ZFPM1: variants seen among roughly 807,000 people sequenced by gnomAD.
ZFPM1 encodes zinc finger protein ZFPM1.
Under a neutral mutation model 46.3 loss-of-function variants are expected in ZFPM1, and 28 were observed. That is an observed-to-expected ratio of 0.60 (90% CI 0.45 to 0.83). The LOEUF (loss-of-function observed/expected upper bound fraction) is 0.83. Among genes scored for constraint, ZFPM1 ranks in the 40% least tolerant of loss-of-function variants. The pLI is 0.00. For missense variants in ZFPM1, 1,878 were observed against 1,432.4 expected (o/e 1.31, Z -5.02); for synonymous variants, 957 against 675.9 (o/e 1.42, Z -6.45).
chr16:88,483,850 C>T (rs917076038), intron 1 of ZFPM1, among the ~76,000 whole-genome samples: 3 of 152,230 alleles, frequency 2.0e-5, no homozygotes, highest in African/African-American at 4.8e-5. Context: ...GGAGTCCAAA[C>T]GCGCAGAAAA....
rs1327549579 is a variant in ZFPM1 at position 88,534,325 on chromosome 16, C to T, written c.2367C>T (p.Pro789=). The T allele has an allele frequency of 2.1e-5, 28 of 1,343,662 alleles. No individual in the cohort carries two copies. The highest frequency in any genetic ancestry group is 2.8e-4 in the Middle Eastern group (1 of 3,596). 83.2% of individuals were successfully genotyped at this position (1,343,662 alleles called of 1,614,324 possible). ...PGLAPARSPG[P]AADGPIDLSK... Reference sequence around the variant, plus strand: ...TCGCCCCTGCGCGCTCGCCCGGCCCCGCGGCCGACGGCCCCATCGACCTGA... The same window carrying T: ...TCGCCCCTGCGCGCTCGCCCGGCCCTGCGGCCGACGGCCCCATCGACCTGA... The change falls in exon 10 of 10, where the codon CCC becomes CCT. Residue 789 remains proline (P), a synonymous_variant. Coordinates refer to ENST00000319555, the MANE Select transcript of ZFPM1 (RefSeq NM_153813.3).
In ZFPM1 at chr16:88,497,257, GGCCCCAGCCCCAGCCCCA is replaced by G. The variant is rs148805908; in HGVS notation, c.268+8117_268+8134del. 6.6e-6 allele frequency among the ~76,000 whole-genome samples: 1 copy of G among 151,662 alleles called. No individual in the cohort carries two copies. The highest frequency in any genetic ancestry group is 2.1e-4 in the South Asian group (1 of 4,814). On this transcript the variant is annotated intron_variant, in intron 3 of 9. Coordinates refer to ENST00000319555, the MANE Select transcript of ZFPM1 (RefSeq NM_153813.3). The surrounding 1 kb of genome is among the most constrained non-coding windows in gnomAD (Gnocchi z 5.4). ...GAGATGGGAGGGGCGGCAGGTGGAC[GGCCCCAGCCCCAGCCCCA>G]GCCCCAGCCCCATTCCAAGGTGTGA... is the stretch of plus-strand genomic sequence containing the variant.
In ZFPM1 at chr16:88,494,301, A is replaced by G. The variant is rs369100612; in HGVS notation, c.268+5148A>G. On this transcript the variant is annotated intron_variant, in intron 3 of 9. Transcript: ENST00000319555. ...CACCTTGCGCTCCCCCGTCGGTGGC[A>G]GTCACCATGGCCTCATGGCAGGAGG... Among the ~76,000 whole-genome samples, 246 of 152,228 alleles carry G rather than the reference A, an allele frequency of 1.6e-3. 1 individual carries two copies. The highest frequency in any genetic ancestry group is 5.7e-3 in the African/African-American group (238 of 41,544).
Position 88,534,872 on chromosome 16 carries a change from A to C in ZFPM1, c.2914A>C (p.Asn972His). 1.9e-6 allele frequency: 3 copies of C among 1,567,910 alleles called. No homozygotes were observed. The highest frequency in any genetic ancestry group is 2.3e-5 in the South Asian group (2 of 86,966). ...KGTPAPLPNG[N>H]HRYCRLCNIK... ...CACGCCGGCGCCGCTGCCCAACGGC[A>C]ACCACCGGTACTGCCGTCTTTGCAA... is the stretch of plus-strand genomic sequence containing the variant. Residue 972 changes from asparagine to histidine, a missense_variant, in exon 10 of 10, where the codon AAC becomes CAC. Transcript: ENST00000319555.
In ZFPM1 at chr16:88,533,282, A is replaced by G. The variant is rs1372341719; in HGVS notation, c.1324A>G (p.Arg442Gly). 3 of 1,385,404 alleles carry G rather than the reference A, an allele frequency of 2.2e-6. No individual in the cohort carries two copies. In the South Asian group the frequency reaches 3.8e-5, roughly 18 times the overall value. 85.8% of individuals were successfully genotyped at this position (1,385,404 alleles called of 1,614,324 possible). A position where few individuals can be genotyped will look rare whatever the true frequency, so the allele number is the denominator to read the frequency against. ...GGCCGAGGCCACCAACGGAGAGGCC[A>G]GAGCGGAGCCTCTGGCCCAGAATGG... ...ALAEATNGEA[R>G]AEPLAQNGGS... Residue 442 changes from arginine (R) to glycine (G), a missense_variant, in exon 10 of 10, where the codon AGA (arginine) becomes GGA (glycine). Physicochemically the swap from Arg to Gly is moderately radical, Grantham distance 125. Transcript: ENST00000319555.
intron 4 of ZFPM1, among the ~76,000 whole-genome samples, chr16:88,526,610 C>T (rs1046498205): frequency 3.9e-5 from 6 of 152,224 alleles, no homozygotes; most frequent in Non-Finnish European, 5.9e-5. Flanking sequence ...AGCCCCAGCA[C>T]GGTGTTAGCC....
chr16:88,526,277 G>A (rs1447052192), intron 4 of ZFPM1, among the ~76,000 whole-genome samples: 1 of 152,218 alleles, frequency 6.6e-6, no homozygotes, highest in Non-Finnish European at 1.5e-5. Context: ...GAGGCCCGAG[G>A]GTTGCTAGGG....
At chr16:88,507,604 T>C (rs1910732127) in intron 3 of ZFPM1, among the ~76,000 whole-genome samples, 2 of 152,162 alleles carry the variant, frequency 1.3e-5, no homozygotes, top group Non-Finnish European at 2.9e-5. Flanking sequence ...ATAGCCTGGG[T>C]TGGGTCTTGT....
chr16:88,454,556 C>T (rs770769014), intron 1 of ZFPM1, among the ~76,000 whole-genome samples: 1 of 152,226 alleles, frequency 6.6e-6, no homozygotes, highest in African/African-American at 2.4e-5. Context: ...CTCGCTGGTC[C>T]GGCTCCCTGC....
intron 3 of ZFPM1, among the ~76,000 whole-genome samples, chr16:88,498,708 A>T (rs1910081988): frequency 6.6e-6 from 1 of 152,180 alleles, no homozygotes; most frequent in Non-Finnish European, 1.5e-5. Flanking sequence ...CACCCCTCTA[A>T]TCTGGAGTGA....
rs965327618 is a variant in ZFPM1, at chr16:88,535,992, T to C, written c.*1013T>C. 3 of 152,348 alleles carry C rather than the reference T, an allele frequency of 2.0e-5. No individual in the cohort carries two copies. The highest frequency in any genetic ancestry group is 7.2e-5 in the African/African-American group (3 of 41,566). The allele number at this position is 152,348 out of a possible 1,614,324, so 9.4% of individuals were successfully genotyped here. A position where few individuals can be genotyped will look rare whatever the true frequency, so the allele number is the denominator to read the frequency against. Reference sequence around the variant, plus strand: ...ATTTTTTTATTTTTGGGTCTCACTCTCTTGCCCAGGCTGGAGTCCCTGGGA... The same window carrying C: ...ATTTTTTTATTTTTGGGTCTCACTCCCTTGCCCAGGCTGGAGTCCCTGGGA... On this transcript the variant is annotated 3_prime_UTR_variant, in exon 10 of 10. Coordinates refer to ENST00000319555, the MANE Select transcript of ZFPM1 (RefSeq NM_153813.3).
intron 6 of ZFPM1, among the ~76,000 whole-genome samples, chr16:88,530,268 C>G (rs2099268029): frequency 6.6e-6 from 1 of 152,176 alleles, no homozygotes; most frequent in African/African-American, 2.4e-5. Context: ...CTTGCCCACA[C>G]AGCCTGCGGA....
upstream of ZFPM1, among the ~76,000 whole-genome samples, chr16:88,452,878 G>A (rs1357625910): frequency 6.6e-6 from 1 of 152,236 alleles, no homozygotes; most frequent in Non-Finnish European, 1.5e-5. Context: ...ATAGGTCTCA[G>A]ACTCCCAGCG....
At chr16:88,514,720 G>A (rs1172817206) in intron 4 of ZFPM1, among the ~76,000 whole-genome samples, 200 bp downstream of exon 4, 2 of 152,158 alleles carry the variant, frequency 1.3e-5, no homozygotes, top group African/African-American at 4.8e-5. Context: ...GGTGATATGG[G>A]GCCTTTGGTG....
intron 3 of ZFPM1, among the ~76,000 whole-genome samples, chr16:88,509,015 C>A (rs552236089): frequency 6.6e-6 from 1 of 152,310 alleles, no homozygotes; most frequent in Non-Finnish European, 1.5e-5. Flanking sequence ...CCCCTGGCCA[C>A]CCCGGTCTGC....
At position 88,533,405 on chromosome 16, in the gene ZFPM1, C is replaced by T. The variant is rs1484214599; in HGVS notation, c.1447C>T (p.Pro483Ser). 7 of 1,502,692 alleles carry T rather than the reference C, an allele frequency of 4.7e-6. No individual in the cohort carries two copies. Among genetic ancestry groups the T allele is most frequent in the East Asian group, 2.6e-5 (1 of 37,808 alleles). The allele number at this position is 1,502,692 out of a possible 1,614,324, so 93.1% of individuals were successfully genotyped here. A position where few individuals can be genotyped will look rare whatever the true frequency, so the allele number is the denominator to read the frequency against. The change falls in exon 10 of 10, where the codon CCC becomes TCC. Residue 483 changes from proline (P) to serine (S), a missense_variant. Physicochemically the swap from Pro to Ser is moderately conservative, Grantham distance 74. Coordinates refer to ENST00000319555, the MANE Select transcript of ZFPM1 (RefSeq NM_153813.3). ...CATCCTGGGCCCCGGAGAGCCTGGG[C>T]CCCAGGCCCCGTCGCGGACGCCGTC... ...APILGPGEPG[P>S]QAPSRTPSPR...
chr16:88,455,927 A>G (rs1907538025), intron 1 of ZFPM1, among the ~76,000 whole-genome samples: 1 of 152,082 alleles, frequency 6.6e-6, no homozygotes, highest in Admixed American at 6.5e-5. Context: ...GCCCGAGTCG[A>G]TGTGAGCTCC....
intron 1 of ZFPM1, among the ~76,000 whole-genome samples, chr16:88,455,977 G>A (rs897776775): frequency 4.6e-5 from 7 of 152,222 alleles, no homozygotes; most frequent in Admixed American, 3.3e-4. Context: ...CGATCGCCAA[G>A]AGCGATAAGA....
At chr16:88,452,061 T>A (rs943175556), upstream of ZFPM1, among the ~76,000 whole-genome samples, 1 of 151,994 alleles carries the variant, frequency 6.6e-6, no homozygotes, top group Non-Finnish European at 1.5e-5. Context: ...TGTGCGATGA[T>A]CTCATCATCA....
Sources: allele counts gnomAD v4.1 joint callset (sites outside exome capture counted in the v4.1 genomes callset), GRCh38; gene constraint gnomAD v4.1.1; non-coding constraint Gnocchi (gnomAD v3.1); transcripts MANE v1.5; gene names NCBI Gene and HGNC (gene_info 2026-07-23, HGNC 2026-07-21).